Variants in MECR observed in about 807,000 individuals in gnomAD.
The protein encoded by MECR is mitochondrial trans-2-enoyl-CoA reductase, also known as enoyl-[acyl-carrier-protein] reductase, mitochondrial.
Under a neutral mutation model 49.1 loss-of-function variants are expected in MECR, and 37 were observed. The observed-to-expected ratio is 0.75, with a 90% CI of 0.58 to 0.99. The LOEUF (loss-of-function observed/expected upper bound fraction) is 0.99. MECR is among the 50% of genes least tolerant of loss of function. The pLI is 0.00. For synonymous variants in MECR, 198 were observed against 191.1 expected (o/e 1.04, Z -0.30); for missense variants, 470 against 479.6 (o/e 0.98, Z 0.19).
chr1:29,220,363 T>C (rs542961127), intron 1 of MECR, among the ~76,000 whole-genome samples: 16 of 152,190 alleles, frequency 1.1e-4, no homozygotes, highest in African/African-American at 3.4e-4. Flanking sequence ...ATCACGCCAC[T>C]GTACTCCAAC....
At chr1:29,190,781 T>A (rs376483501), downstream of MECR, among the ~76,000 whole-genome samples, 14 of 135,494 alleles carry the variant, frequency 1.0e-4, no homozygotes, top group African/African-American at 3.7e-4. Context: ...AGAGCAAGAC[T>A]CCATCATCTC....
intron 3 of MECR, among the ~76,000 whole-genome samples, chr1:29,212,379 T>C (rs1479539502): frequency 6.6e-6 from 1 of 152,130 alleles, no homozygotes. Flanking sequence ...TGAGCCAAGA[T>C]TGCACCAGCC....
chr1:29,174,837 C>T, the MECR span, among the ~76,000 whole-genome samples: 1 of 151,778 alleles, frequency 6.6e-6, no homozygotes, highest in Non-Finnish European at 1.5e-5. Context: ...TCATGCCCAG[C>T]TAATTTTTGT....
intron 1 of MECR, among the ~76,000 whole-genome samples, chr1:29,221,661 G>A (rs529517702): frequency 1.2e-4 from 18 of 152,296 alleles, no homozygotes; most frequent in Non-Finnish European, 2.1e-4. Flanking sequence ...TGAATGCTGA[G>A]CTAGGGAGGA....
the MECR span, among the ~76,000 whole-genome samples, chr1:29,175,577 C>T: frequency 6.7e-6 from 1 of 148,960 alleles, no homozygotes; most frequent in Non-Finnish European, 1.5e-5. Context: ...CTCCTGTAGT[C>T]CCAGCTACTT....
the MECR span, chr1:29,173,309 T>C: frequency 2.0e-5 from 3 of 151,298 alleles, no homozygotes; most frequent in Non-Finnish European, 4.4e-5. Flanking sequence ...GGCTAATTTT[T>C]TTTGTATTTT....
rs751655280 is a variant in MECR at position 29,202,333 on chromosome 1, TG to T, written c.654-289del. Among the ~76,000 whole-genome samples the T allele has an allele frequency of 8.5e-5, 13 of 152,324 alleles. 1 individual carries two copies. The East Asian group carries it at 1.4e-3, about 16-fold the overall frequency. On this transcript the variant is annotated intron_variant, in intron 5 of 9. Transcript: ENST00000263702. ...CCCAGGGAGAAGTCACTTAACTTCC[TG>T]ATTTCTTCTACTGAAAGGACAAACT...
downstream of MECR, among the ~76,000 whole-genome samples, chr1:29,188,720 A>G (rs1673071622): frequency 6.6e-6 from 1 of 150,796 alleles, no homozygotes; most frequent in East Asian, 2.0e-4. Flanking sequence ...GCTCACTACA[A>G]CCTCCACCTC....
chr1:29,174,684 T>G, the MECR span, among the ~76,000 whole-genome samples: 2 of 150,124 alleles, frequency 1.3e-5, no homozygotes, highest in African/African-American at 4.9e-5. Context: ...GGTTTTTTTT[T>G]TTTTTTTTTT....
intron 3 of MECR, among the ~76,000 whole-genome samples, chr1:29,211,215 T>C (rs772386146): frequency 3.3e-5 from 5 of 152,122 alleles, no homozygotes; most frequent in Non-Finnish European, 5.9e-5. Context: ...TGGCTGGGAC[T>C]ACAGGTGTAC....
rs1346861261 is a variant in MECR, at chr1:29,201,081, T to C, written c.757-492A>G. Among the ~76,000 whole-genome samples the C allele has an allele frequency of 6.6e-6, 1 of 152,130 alleles. No individual in the cohort carries two copies. ...GAAGTGCTGGGATTACAGGCATGAG[T>C]CACCTCATCCAGCCAAGAAGGGCCT... is the stretch of plus-strand genomic sequence containing the variant. On this transcript the variant is annotated intron_variant, in intron 6 of 9. Transcript: ENST00000263702. The surrounding 1 kb of genome is among the most constrained non-coding windows in gnomAD (Gnocchi z 4.3).
chr1:29,171,750 C>A, the MECR span: 1 of 151,972 alleles, frequency 6.6e-6, no homozygotes, highest in Non-Finnish European at 1.5e-5. Flanking sequence ...TACTAGAAAC[C>A]CAAACCACAT....
At chr1:29,214,913 TG>T (rs1678994621) in intron 3 of MECR, among the ~76,000 whole-genome samples, 1 of 152,184 alleles carries the variant, frequency 6.6e-6, no homozygotes, top group Non-Finnish European at 1.5e-5. Context: ...AACTGTTAAG[TG>T]CTAAAAACAA....
chr1:29,221,042 A>G, intron 1 of MECR: 1 of 384,108 alleles, frequency 2.6e-6, no homozygotes, highest in Non-Finnish European at 3.6e-6. Context: ...AAGGGGTTTC[A>G]TGATGAATAA....
chr1:29,226,088 G>C (rs894452371), intron 1 of MECR, among the ~76,000 whole-genome samples: 4 of 142,670 alleles, frequency 2.8e-5, no homozygotes, highest in African/African-American at 1.0e-4. Flanking sequence ...AGAATCACTT[G>C]AACCTGGGAG....
chr1:29,191,575 G>A (rs1470001042), downstream of MECR, among the ~76,000 whole-genome samples: 1 of 152,142 alleles, frequency 6.6e-6, no homozygotes, highest in Non-Finnish European at 1.5e-5. Flanking sequence ...TCACTTGCCT[G>A]CACTGATCAT....
At chr1:29,177,182 CCA>C in the MECR span, among the ~76,000 whole-genome samples, 3,233 of 152,132 alleles carry the variant, frequency 0.021, 130 homozygotes, top group African/African-American at 0.074. Flanking sequence ...ACAAAAGTTA[CCA>C]CAGAGCTGAA....
At chr1:29,226,168 A>T (rs920939793) in intron 1 of MECR, among the ~76,000 whole-genome samples, 3 of 6,074 alleles carry the variant, frequency 4.9e-4, no homozygotes, top group Admixed American at 2.5e-3. Context: ...GGCTCTATCT[A>T]AAAAAAAAAA....
rs953783694 is a variant in MECR at position 29,195,782 on chromosome 1, G to A, written c.964+159C>T. On this transcript the variant is annotated intron_variant, in intron 9 of 9. Transcript: ENST00000263702. ...ACTAACCCAGTTTAGTCCAATAACT[G>A]TTTGCTGACTGTAGCTGGACTAAGG... Among the ~76,000 whole-genome samples, 8 of 152,146 alleles carry A rather than the reference G, an allele frequency of 5.3e-5. 1 individual carries two copies. The highest frequency in any genetic ancestry group is 1.3e-4 in the Admixed American group (2 of 15,280).
Sources: allele counts gnomAD v4.1 joint callset (sites outside exome capture counted in the v4.1 genomes callset), GRCh38; gene constraint gnomAD v4.1.1; non-coding constraint Gnocchi (gnomAD v3.1); transcripts MANE v1.5; gene names NCBI Gene and HGNC (gene_info 2026-07-23, HGNC 2026-07-21).